Variants in GDE1 observed in about 807,000 individuals in gnomAD.
The protein encoded by GDE1 is glycerophosphodiester phosphodiesterase 1.
Under a neutral mutation model 32.2 loss-of-function variants are expected in GDE1, and 24 were observed. The ratio of observed to expected loss-of-function variants is 0.75; its 90% confidence interval spans 0.54 to 1.05. The LOEUF (loss-of-function observed/expected upper bound fraction) is 1.05, where lower values mean the gene tolerates loss of function less well. Ranked by LOEUF, GDE1 falls within the 50% of genes least tolerant of loss-of-function variation. GDE1 has a pLI of 0.00. For missense variants in GDE1, 380 were observed against 415.0 expected (o/e 0.92, Z 0.73); for synonymous variants, 159 against 158.6 (o/e 1.00, Z -0.02).
At position 19,521,695 on chromosome 16, in the gene GDE1, G is replaced by A; in HGVS notation, c.261+9C>T. The A allele has an allele frequency of 1.9e-6, 3 of 1,609,388 alleles. No homozygotes were observed. The highest frequency in any genetic ancestry group is 2.2e-5 in the East Asian group (1 of 44,762). ...GGAGGACCGAGGGGCGCGAACGTGG[G>A]GGTCTCACCTGCCGAATGGCCGCCA... On this transcript the variant is annotated intron_variant, in intron 1 of 5. Transcript: ENST00000353258.
chr16:19,518,144 TC>T (rs1353102794), intron 1 of GDE1, among the ~76,000 whole-genome samples: 1 of 152,124 alleles, frequency 6.6e-6, no homozygotes, highest in Non-Finnish European at 1.5e-5. Flanking sequence ...TGCCTCAGTC[TC>T]CCAAAGTGCT....
intron 2 of GDE1, among the ~76,000 whole-genome samples, chr16:19,516,230 A>G (rs1175599983): frequency 6.6e-6 from 1 of 152,232 alleles, no homozygotes; most frequent in Non-Finnish European, 1.5e-5. Flanking sequence ...TACAGGGTTG[A>G]AAGACATTGG....
intron 4 of GDE1, among the ~76,000 whole-genome samples, chr16:19,506,851 A>G (rs1969253686): frequency 1.3e-5 from 2 of 152,114 alleles, no homozygotes; most frequent in Non-Finnish European, 2.9e-5. Flanking sequence ...AGGCATCACT[A>G]GGCTGGTTAC....
chr16:19,520,722 A>C (rs1969441281), intron 1 of GDE1, among the ~76,000 whole-genome samples: 1 of 129,308 alleles, frequency 7.7e-6, no homozygotes, highest in Admixed American at 8.4e-5. Context: ...GAGACTCTGT[A>C]AAGTAAAAAA....
chr16:19,517,325 C>G, intron 1 of GDE1, 136 bp from the exon 2 acceptor site: 2 of 667,778 alleles, frequency 3.0e-6, no homozygotes, highest in Non-Finnish European at 5.3e-6. Context: ...CCCCACCAAA[C>G]AGCAATCCTG....
chr16:19,520,703 T>G, intron 1 of GDE1, among the ~76,000 whole-genome samples: 1 of 135,162 alleles, frequency 7.4e-6, no homozygotes, highest in Non-Finnish European at 1.5e-5. Flanking sequence ...CCAGCCTGGG[T>G]AAAAGAGTGA....
intron 2 of GDE1, among the ~76,000 whole-genome samples, 193 bp from the exon 3 acceptor site, chr16:19,511,137 C>G (rs529405080): frequency 6.8e-6 from 1 of 147,626 alleles, no homozygotes; most frequent in Non-Finnish European, 1.5e-5. Flanking sequence ...GAGTCTTGCT[C>G]TGTTGCCCAG....
In GDE1 at chr16:19,521,871, A is replaced by G. The variant is rs748074496; in HGVS notation, c.94T>C (p.Cys32Arg). 6.2e-7 allele frequency: 1 copy of G among 1,606,222 alleles called. No homozygotes were observed. The highest frequency in any genetic ancestry group is 8.5e-7 in the Non-Finnish European group (1 of 1,177,256). ...LLVTRSPVNA[C>R]LLTGSLFVLL... is the part of the protein sequence containing the mutation. ...ACGAAGAGGCTGCCGGTGAGGAGGC[A>G]GGCATTGACCGGGCTCCGCGTCACC... Residue 32 changes from cysteine (C) to arginine (R), a missense_variant, in exon 1 of 6, where the codon TGC (cysteine) becomes CGC (arginine). Physicochemically the swap from Cys to Arg is radical, Grantham distance 180. Coordinates refer to ENST00000353258, the MANE Select transcript of GDE1 (RefSeq NM_016641.4).
At chr16:19,513,982 G>A (rs1160648135) in intron 2 of GDE1, among the ~76,000 whole-genome samples, 4 of 152,164 alleles carry the variant, frequency 2.6e-5, no homozygotes, top group Admixed American at 1.3e-4. Context: ...CCCAAGACTC[G>A]TAGATGAGAA....
chr16:19,506,998 G>C (rs1216550882), intron 4 of GDE1, among the ~76,000 whole-genome samples: 2 of 151,792 alleles, frequency 1.3e-5, no homozygotes, highest in Non-Finnish European at 2.9e-5. Flanking sequence ...AATTAGCTGG[G>C]CGTGGTGACG....
At chr16:19,514,205 G>A (rs1045682187) in intron 2 of GDE1, among the ~76,000 whole-genome samples, 1 of 150,558 alleles carries the variant, frequency 6.6e-6, no homozygotes, top group African/African-American at 2.4e-5. Flanking sequence ...AGAGTGGCTT[G>A]CGGAACTCAA....
intron 2 of GDE1, among the ~76,000 whole-genome samples, chr16:19,515,801 T>C (rs1408754951): frequency 4.6e-5 from 7 of 152,192 alleles, no homozygotes; most frequent in Admixed American, 4.6e-4. Flanking sequence ...GGTCAAATAC[T>C]TAATTTTCCA....
At chr16:19,506,674 C>T (rs1969251425) in intron 4 of GDE1, among the ~76,000 whole-genome samples, 1 of 152,108 alleles carries the variant, frequency 6.6e-6, no homozygotes, top group Non-Finnish European at 1.5e-5. Flanking sequence ...GATTGTAACA[C>T]GCCGATCTTA....
Position 19,505,011 on chromosome 16 carries a change from G to T in GDE1, c.718C>A (p.Arg240Ser), listed in dbSNP as rs767017831. 2.5e-6 allele frequency: 4 copies of T among 1,612,156 alleles called. No homozygotes were observed. Among genetic ancestry groups the T allele is most frequent in the Non-Finnish European group, 3.4e-6 (4 of 1,178,294 alleles). ...AAATGTTTCCAGAAAGTATCATAGCGTGGTTTCCCATCTCCTGTATGGCTT... is the reference window on the plus strand; with the variant it reads ...AAATGTTTCCAGAAAGTATCATAGCTTGGTTTCCCATCTCCTGTATGGCTT... ...SLSHTGDGKP[R>S]YDTFWKHFIF... The change falls in exon 5 of 6, where the codon CGC becomes AGC. Residue 240 changes from arginine to serine, a missense_variant. Transcript: ENST00000353258.
intron 4 of GDE1, 46 bp from the exon 5 acceptor site, chr16:19,505,138 T>G (rs1969230800): frequency 7.8e-7 from 1 of 1,279,426 alleles, no homozygotes; most frequent in African/African-American, 1.5e-5. Flanking sequence ...TATGTAAAGT[T>G]GAATACTTAT....
intron 2 of GDE1, among the ~76,000 whole-genome samples, chr16:19,512,752 G>A (rs904859131): frequency 6.6e-6 from 1 of 152,058 alleles, no homozygotes; most frequent in African/African-American, 2.4e-5. Context: ...AGAGATAGGG[G>A]TCTAGTTTCA....
Position 19,517,147 on chromosome 16 carries a change from A to C in GDE1, c.304T>G (p.Phe102Val). The C allele has an allele frequency of 6.2e-7, 1 of 1,613,948 alleles. No individual in the cohort carries two copies. The highest frequency in any genetic ancestry group is 1.6e-4 in the Middle Eastern group (1 of 6,062). ...AAGACAGGAATCCCGTCAGAAGTAAACTCAATGTCCAACTCCACGCCTGTT... is the reference window on the plus strand; with the variant it reads ...AAGACAGGAATCCCGTCAGAAGTAACCTCAATGTCCAACTCCACGCCTGTT... ...GATGVELDIEFTSDGIPVLMH... is the reference protein window; with the variant it reads ...GATGVELDIEVTSDGIPVLMH... Residue 102 changes from phenylalanine to valine, a missense_variant, in exon 2 of 6, where the codon TTT becomes GTT. Physicochemically the swap from Phe to Val is conservative, Grantham distance 50 (BLOSUM62 -1). Transcript: ENST00000353258.
At position 19,517,151 on chromosome 16, in the gene GDE1, A is replaced by C; in HGVS notation, c.300T>G (p.Ile100Met). 5.0e-6 allele frequency: 8 copies of C among 1,614,026 alleles called. No individual in the cohort carries two copies. The highest frequency in any genetic ancestry group is 6.8e-6 in the Non-Finnish European group (8 of 1,179,872). The change falls in exon 2 of 6, where the codon ATT becomes ATG. Residue 100 changes from isoleucine (I) to methionine (M), a missense_variant. Physicochemically the swap from Ile to Met is conservative, Grantham distance 10. Transcript: ENST00000353258. ...CAGGAATCCCGTCAGAAGTAAACTC[A>C]ATGTCCAACTCCACGCCTGTTGCTC... The part of the protein sequence containing the change: ...KNGATGVELD[I>M]EFTSDGIPVL...
chr16:19,518,689 A>G (rs149494678), intron 1 of GDE1, among the ~76,000 whole-genome samples: 1 of 152,366 alleles, frequency 6.6e-6, no homozygotes, highest in East Asian at 1.9e-4. Flanking sequence ...CATAAACAAC[A>G]CAGAGCACTG....
Sources: gnomAD v4.1 joint callset for allele counts (sites outside exome capture counted in the v4.1 genomes callset) on GRCh38, gnomAD v4.1.1 for gene constraint, MANE v1.5 for transcripts, NCBI Gene and HGNC (gene_info 2026-07-23, HGNC 2026-07-21) for gene names.